Variants in MRPS5 observed in about 807,000 individuals in gnomAD.
MRPS5 encodes mitochondrial ribosomal protein S5.
MRPS5 carries 27 observed loss-of-function variants against 51.9 expected under a neutral mutation model. The observed-to-expected ratio is 0.52, with a 90% CI of 0.38 to 0.72. The LOEUF is 0.72. MRPS5 is among the 30% of genes least tolerant of loss of function. The pLI is 0.00. For missense variants in MRPS5, 570 were observed against 545.7 expected (o/e 1.04, Z -0.44); for synonymous variants, 196 against 193.2 (o/e 1.01, Z -0.12).
At chr2:95,090,703 C>G in intron 10 of MRPS5, 181 bp from the exon 11 acceptor site, 2 of 603,528 alleles carry the variant, frequency 3.3e-6, no homozygotes, top group Non-Finnish European at 5.8e-6. Context: ...GACACTTACT[C>G]AAACAGGATA....
At chr2:95,104,935 G>A (rs1166630549) in intron 6 of MRPS5, among the ~76,000 whole-genome samples, 2 of 152,228 alleles carry the variant, frequency 1.3e-5, no homozygotes, top group Middle Eastern at 3.4e-3. Context: ...AAACAGAAAT[G>A]AGACTTTCTC....
intron 11 of MRPS5, among the ~76,000 whole-genome samples, chr2:95,090,100 C>T (rs1395628768): frequency 6.7e-6 from 1 of 149,120 alleles, no homozygotes; most frequent in African/African-American, 2.5e-5. Context: ...TGGCGTGAAC[C>T]CGGGAGGCGG....
At chr2:95,089,853 G>A (rs1034998085) in intron 11 of MRPS5, among the ~76,000 whole-genome samples, 4 of 152,132 alleles carry the variant, frequency 2.6e-5, no homozygotes, top group Non-Finnish European at 4.4e-5. Flanking sequence ...TAAAAATGCT[G>A]CTTAGAAAAA....
At chr2:95,107,802 G>C (rs1406362724) in intron 5 of MRPS5, among the ~76,000 whole-genome samples, 2 of 152,096 alleles carry the variant, frequency 1.3e-5, no homozygotes, top group Admixed American at 6.6e-5. Context: ...TATCTGCTTT[G>C]CTGATTTCTA....
chr2:95,086,998 T>C lies in MRPS5; in HGVS notation c.*359A>G, dbSNP rs1675309449. On this transcript the variant is annotated 3_prime_UTR_variant, in exon 12 of 12. Coordinates refer to ENST00000272418, the MANE Select transcript of MRPS5 (RefSeq NM_031902.5). ...CTCTGTAAAATGAAGTTAATCACAT[T>C]CACTTTGGATGAATGAGTTCATATA... 6.6e-6 allele frequency among the ~76,000 whole-genome samples: 1 copy of C among 152,208 alleles called. No individual in the cohort carries two copies. The highest frequency in any genetic ancestry group is 6.5e-5 in the Admixed American group (1 of 15,288).
At position 95,100,461 on chromosome 2, in the gene MRPS5, GT is replaced by G. The variant is rs1675761838; in HGVS notation, c.931+12del. The G allele has an allele frequency of 6.4e-7, 1 of 1,573,566 alleles. No homozygotes were observed. Among genetic ancestry groups the G allele is most frequent in the Non-Finnish European group, 8.7e-7 (1 of 1,144,312 alleles). On this transcript the variant is annotated intron_variant, in intron 10 of 11. Coordinates refer to ENST00000272418, the MANE Select transcript of MRPS5 (RefSeq NM_031902.5). ...GCTTTATCATCAACAAATGGTAAGAGTTTTAAAGTTACCTTTGGGTTGTTTC... is the reference window on the plus strand; with the variant it reads ...GCTTTATCATCAACAAATGGTAAGAGTTTAAAGTTACCTTTGGGTTGTTTC...
At chr2:95,101,849 C>T in intron 7 of MRPS5, 126 bp from the exon 8 acceptor site, 1 of 649,536 alleles carries the variant, frequency 1.5e-6, no homozygotes. Flanking sequence ...CCACAAAAGA[C>T]TTGCTATACA....
intron 10 of MRPS5, among the ~76,000 whole-genome samples, chr2:95,094,320 A>C (rs1675557044): frequency 6.6e-6 from 1 of 152,256 alleles, no homozygotes; most frequent in South Asian, 2.1e-4. Flanking sequence ...TCAGGATATC[A>C]TCCAAGAGAA....
rs115264606 is a variant in MRPS5, at chr2:95,091,296, C to A, written c.932-774G>T. The A allele has an allele frequency of 7.8e-3, 1,191 of 153,552 alleles. 19 individuals carry two copies. The highest frequency in any genetic ancestry group is 0.026 in the African/African-American group (1,094 of 41,550). 9.5% of individuals were successfully genotyped at this position (153,552 alleles called of 1,614,324 possible). A position where few individuals can be genotyped will look rare whatever the true frequency, so the allele number is the denominator to read the frequency against. Reference sequence around the variant, plus strand: ...ATTCCCTCTGCCTGGAATGTCCTCCCAGCTCTGCCCCCTTGGCTCCTTCTC... The same window carrying A: ...ATTCCCTCTGCCTGGAATGTCCTCCAAGCTCTGCCCCCTTGGCTCCTTCTC... On this transcript the variant is annotated intron_variant, in intron 10 of 11. Coordinates refer to ENST00000272418, the MANE Select transcript of MRPS5 (RefSeq NM_031902.5).
Position 95,085,624 on chromosome 2 carries a change from A to C in MRPS5, c.*1733T>G, listed in dbSNP as rs1349255539. Among the ~76,000 whole-genome samples the C allele has an allele frequency of 6.6e-6, 1 of 152,140 alleles. No individual in the cohort carries two copies. The highest frequency in any genetic ancestry group is 1.5e-5 in the Non-Finnish European group (1 of 68,016). On this transcript the variant is annotated 3_prime_UTR_variant, in exon 12 of 12. Coordinates refer to ENST00000272418, the MANE Select transcript of MRPS5 (RefSeq NM_031902.5). ...ACGGTGCCATTAGGGTGCTCCTCCTACTTCCAGCAGAAAGGCCTCAGCAGA... is the reference window on the plus strand; with the variant it reads ...ACGGTGCCATTAGGGTGCTCCTCCTCCTTCCAGCAGAAAGGCCTCAGCAGA...
intron 10 of MRPS5, chr2:95,090,939 T>C (rs1675446797): frequency 6.0e-6 from 1 of 167,414 alleles, no homozygotes; most frequent in Non-Finnish European, 1.3e-5. Flanking sequence ...CTTTTCGTTT[T>C]GGTAACACAT....
rs139004279 is a variant in MRPS5, at chr2:95,118,584, C to A, written c.59-639G>T. Among the ~76,000 whole-genome samples the A allele has an allele frequency of 7.1e-3, 1,083 of 152,352 alleles. 49 individuals are homozygous for A. Among genetic ancestry groups the A allele is most frequent in the Admixed American group, 0.056 (861 of 15,296 alleles). On this transcript the variant is annotated intron_variant, in intron 1 of 11. Transcript: ENST00000272418. Reference sequence around the variant, plus strand: ...TCTGAAACATCACCTCTTAGTGAAGCCTCCCTGATCCTACAATGTTCCCCC... The same window carrying A: ...TCTGAAACATCACCTCTTAGTGAAGACTCCCTGATCCTACAATGTTCCCCC...
chr2:95,106,498 G>C, intron 5 of MRPS5, 41 bp from the exon 6 acceptor site: 2 of 1,520,686 alleles, frequency 1.3e-6, no homozygotes, highest in Non-Finnish European at 1.8e-6. Context: ...TGAAATGTGT[G>C]TACACAATTA....
At chr2:95,100,203 T>C (rs75731565) in intron 10 of MRPS5, among the ~76,000 whole-genome samples, 29 of 152,320 alleles carry the variant, frequency 1.9e-4, no homozygotes, top group Middle Eastern at 3.4e-3. Flanking sequence ...CTCCAAACCC[T>C]ACTACTCACT....
intron 11 of MRPS5, among the ~76,000 whole-genome samples, chr2:95,089,504 G>C (rs1318347463): frequency 6.6e-6 from 1 of 152,216 alleles, no homozygotes; most frequent in Non-Finnish European, 1.5e-5. Flanking sequence ...AGCTGCCCAA[G>C]AATGGGGGCC....
At chr2:95,110,361 G>C (rs1271719522) in intron 3 of MRPS5, among the ~76,000 whole-genome samples, 3 of 152,172 alleles carry the variant, frequency 2.0e-5, no homozygotes, top group African/African-American at 7.2e-5. Flanking sequence ...TATCAACCAT[G>C]ATATAGGCGT....
rs1676460226 is a variant in MRPS5, at chr2:95,121,739, G to A, written c.53C>T (p.Thr18Met). The change falls in exon 1 of 12, where the codon ACG becomes ATG. Residue 18 changes from threonine (T) to methionine (M), a missense_variant. Thr to Met is a moderately conservative substitution (Grantham distance 81). Coordinates refer to ENST00000272418, the MANE Select transcript of MRPS5 (RefSeq NM_031902.5). ...CCCGGCGTCCCAGCTCTCACCTGCC[G>A]TCCCGCTACACAGCACGGGGAGGCA... ...VGCLPVLCSG[T>M]AGHLLGRQCS... 8 of 1,548,382 alleles carry A rather than the reference G, an allele frequency of 5.2e-6. No homozygotes were observed. The highest frequency in any genetic ancestry group is 1.2e-5 in the South Asian group (1 of 84,824).
At chr2:95,108,918 T>A (rs1017382830) in intron 4 of MRPS5, among the ~76,000 whole-genome samples, 5 of 152,146 alleles carry the variant, frequency 3.3e-5, no homozygotes, top group Non-Finnish European at 5.9e-5. Flanking sequence ...TATTTATATA[T>A]AAATTAATAA....
chr2:95,099,582 C>T (rs1573333565), intron 10 of MRPS5, among the ~76,000 whole-genome samples: 1 of 152,160 alleles, frequency 6.6e-6, no homozygotes, highest in Non-Finnish European at 1.5e-5. Flanking sequence ...AATAGCCAGG[C>T]CCGCTAGTGA....
Sources: gnomAD v4.1 joint callset for allele counts (sites outside exome capture counted in the v4.1 genomes callset) on GRCh38, gnomAD v4.1.1 for gene constraint, MANE v1.5 for transcripts, NCBI Gene and HGNC (gene_info 2026-07-23, HGNC 2026-07-21) for gene names.